The following PSTPIP2 variants were observed in gnomAD, a reference collection of about 807,000 sequenced individuals.
The protein encoded by PSTPIP2 is proline-serine-threonine phosphatase-interacting protein 2.
A neutral mutation model predicts 63.3 loss-of-function variants in PSTPIP2; 33 were observed. The observed-to-expected ratio is 0.52, with a 90% CI of 0.40 to 0.70. PSTPIP2 has a LOEUF of 0.70. Ranked by LOEUF, PSTPIP2 falls within the 30% of genes least tolerant of loss-of-function variation. The probability of loss-of-function intolerance (pLI) is 0.00; values close to 1 mark genes in which losing one functional copy is unlikely to be tolerated. For missense variants in PSTPIP2, 312 were observed against 400.7 expected (o/e 0.78, Z 1.89); for synonymous variants, 125 against 132.7 (o/e 0.94, Z 0.40).
intron 5 of PSTPIP2, among the ~76,000 whole-genome samples, chr18:46,009,889 G>T (rs570752189): frequency 6.6e-6 from 1 of 152,172 alleles, no homozygotes; most frequent in Non-Finnish European, 1.5e-5. Flanking sequence ...TAATACACAT[G>T]CTATTTCTGC....
chr18:46,049,982 A>G (rs1599741638), intron 1 of PSTPIP2, among the ~76,000 whole-genome samples: 1 of 152,354 alleles, frequency 6.6e-6, no homozygotes, highest in African/African-American at 2.4e-5. Flanking sequence ...CAATTTTTAA[A>G]TAAGAGAATC....
chr18:46,030,996 C>T (rs934612970), intron 2 of PSTPIP2, among the ~76,000 whole-genome samples: 2 of 152,146 alleles, frequency 1.3e-5, no homozygotes, highest in African/African-American at 2.4e-5. Flanking sequence ...AACATTGATC[C>T]TTATGTAATC....
intron 10 of PSTPIP2, 103 bp from the exon 11 acceptor site, chr18:45,992,305 G>T: frequency 1.0e-6 from 1 of 952,416 alleles, no homozygotes; most frequent in Non-Finnish European, 1.6e-6. Flanking sequence ...GCTCATGTCT[G>T]TAATCCCAGC....
At chr18:46,021,848 C>CA (rs59094808) in intron 3 of PSTPIP2, among the ~76,000 whole-genome samples, 2,551 of 33,196 alleles carry the variant, frequency 0.077, 416 homozygotes, top group African/African-American at 0.09. Context: ...GACTCTGTCT[C>CA]AAAAAAAAAA....
chr18:46,058,195 G>A (rs1310099580), intron 1 of PSTPIP2, among the ~76,000 whole-genome samples: 1 of 151,970 alleles, frequency 6.6e-6, no homozygotes, highest in Non-Finnish European at 1.5e-5. Flanking sequence ...TATAGGATGG[G>A]AGACTCCTGG....
intron 1 of PSTPIP2, among the ~76,000 whole-genome samples, chr18:46,043,430 C>T (rs546634061): frequency 3.3e-5 from 5 of 150,974 alleles, no homozygotes; most frequent in African/African-American, 7.3e-5. Context: ...GGAATCTCAA[C>T]GCAGAAAAAG....
chr18:46,033,559 G>A (rs2144104821), intron 2 of PSTPIP2, among the ~76,000 whole-genome samples: 1 of 152,072 alleles, frequency 6.6e-6, no homozygotes, highest in East Asian at 1.9e-4. Context: ...TTAGCTGGGT[G>A]TAGTGGTGCA....
chr18:46,011,370 T>C (rs2051795149), intron 4 of PSTPIP2, 83 bp from the exon 5 acceptor site: 4 of 1,098,888 alleles, frequency 3.6e-6, no homozygotes, highest in East Asian at 2.6e-5. Context: ...TAAATATGTA[T>C]ATACAAAATA....
At position 46,061,927 on chromosome 18, in the gene PSTPIP2, T is replaced by C. The variant is rs560032092; in HGVS notation, c.33+10229A>G. The stretch of plus-strand genomic sequence containing the variant: ...TGCCCATATTTCTAGGGTTTTCGAA[T>C]ATTTGTGGCCACTTATGAAACTATC... On this transcript the variant is annotated intron_variant, in intron 1 of 14. Transcript: ENST00000409746. Among the ~76,000 whole-genome samples, 6 of 152,326 alleles carry C rather than the reference T, an allele frequency of 3.9e-5. No individual in the cohort carries two copies. In the South Asian group the frequency reaches 1.2e-3, roughly 32 times the overall value.
intron 1 of PSTPIP2, among the ~76,000 whole-genome samples, chr18:46,060,718 C>A (rs1908955622): frequency 6.6e-6 from 1 of 152,204 alleles, no homozygotes; most frequent in African/African-American, 2.4e-5. Flanking sequence ...TCTTTCCAGG[C>A]TTCCAGCTTC....
chr18:46,049,050 GTGTGTGGA>G (rs995414550), intron 1 of PSTPIP2, among the ~76,000 whole-genome samples: 4 of 140,282 alleles, frequency 2.9e-5, no homozygotes, highest in South Asian at 2.2e-4. Flanking sequence ...GTGTGTGTGT[GTGTGTGGA>G]GAGAGAGAGA....
chr18:46,025,328 A>G (rs1274725148), intron 2 of PSTPIP2, among the ~76,000 whole-genome samples: 1 of 152,202 alleles, frequency 6.6e-6, no homozygotes, highest in Non-Finnish European at 1.5e-5. Context: ...AAATGAATAT[A>G]TCCTCACGGT....
chr18:46,037,775 C>A (rs992498214), intron 2 of PSTPIP2, among the ~76,000 whole-genome samples: 2 of 152,184 alleles, frequency 1.3e-5, no homozygotes, highest in African/African-American at 2.4e-5. Flanking sequence ...CAGGGCATGC[C>A]CATCTGACAC....
At chr18:46,015,807 T>C in intron 4 of PSTPIP2, 96 bp downstream of exon 4, 5 of 1,381,714 alleles carry the variant, frequency 3.6e-6, no homozygotes, top group Non-Finnish European at 5.0e-6. Flanking sequence ...TTTCACCCAC[T>C]ATGAAACTGC....
chr18:46,065,608 A>C (rs985178090), intron 1 of PSTPIP2, among the ~76,000 whole-genome samples: 1 of 152,184 alleles, frequency 6.6e-6, no homozygotes, highest in African/African-American at 2.4e-5. Context: ...CTGGGACTAC[A>C]GGCACCCACC....
intron 2 of PSTPIP2, among the ~76,000 whole-genome samples, chr18:46,036,823 C>G (rs557546812): frequency 6.6e-6 from 1 of 152,160 alleles, no homozygotes; most frequent in Non-Finnish European, 1.5e-5. Flanking sequence ...CTCCCTCTTC[C>G]CCTTGCCACT....
chr18:45,998,298 T>C (rs1174656489), intron 8 of PSTPIP2, among the ~76,000 whole-genome samples: 1 of 152,232 alleles, frequency 6.6e-6, no homozygotes, highest in African/African-American at 2.4e-5. Flanking sequence ...TGCAGGATAT[T>C]CTGGGAATTA....
At chr18:46,050,944 C>A (rs1427560607) in intron 1 of PSTPIP2, among the ~76,000 whole-genome samples, 1 of 151,712 alleles carries the variant, frequency 6.6e-6, no homozygotes, top group Non-Finnish European at 1.5e-5. Flanking sequence ...CTCACTGCAA[C>A]CTCCACCTCC....
At chr18:45,990,592 G>T in intron 13 of PSTPIP2, 130 bp downstream of exon 13, 1 of 703,780 alleles carries the variant, frequency 1.4e-6, no homozygotes, top group Non-Finnish European at 2.3e-6. Flanking sequence ...ACCACACCCA[G>T]CTAATTTTTG....
Sources: allele counts gnomAD v4.1 joint callset (sites outside exome capture counted in the v4.1 genomes callset), GRCh38; gene constraint gnomAD v4.1.1; transcripts MANE v1.5; gene names NCBI Gene and HGNC (gene_info 2026-07-23, HGNC 2026-07-21).